Variants in GALNT17 observed in about 807,000 individuals in gnomAD.
GALNT17 encodes polypeptide N-acetylgalactosaminyltransferase 17.
Under a neutral mutation model 63.7 loss-of-function variants are expected in GALNT17, and 29 were observed. The observed-to-expected ratio is 0.46, with a 90% CI of 0.34 to 0.62. GALNT17 has a LOEUF of 0.62. GALNT17 is among the 20% of genes least tolerant of loss of function. The probability of loss-of-function intolerance (pLI) is 0.01; values close to 1 mark genes in which losing one functional copy is unlikely to be tolerated. For synonymous variants in GALNT17, 305 were observed against 318.3 expected (o/e 0.96, Z 0.45); for missense variants, 603 against 799.6 (o/e 0.75, Z 2.97).
rs138406506 is a variant in GALNT17, at chr7:71,353,180, G to C, written c.422+17447G>C. ...CATAAGAGTTACAGAAAAGTTGCAA[G>C]AATACTACAAAAAATTCTCTATTTT... is the stretch of plus-strand genomic sequence containing the variant. On this transcript the variant is annotated intron_variant, in intron 2 of 10. Coordinates refer to ENST00000333538, the MANE Select transcript of GALNT17 (RefSeq NM_022479.3). 2.5e-4 allele frequency among the ~76,000 whole-genome samples: 38 copies of C among 152,098 alleles called. 1 individual carries two copies. The highest frequency in any genetic ancestry group is 8.4e-4 in the African/African-American group (35 of 41,510).
chr7:71,592,306 C>G (rs114571007), intron 6 of GALNT17, among the ~76,000 whole-genome samples: 136 of 152,138 alleles, frequency 8.9e-4, no homozygotes, highest in African/African-American at 3.2e-3. Context: ...CCCACACTGT[C>G]TTTCCTATGC....
At position 71,541,572 on chromosome 7, in the gene GALNT17, G is replaced by GA. The variant is rs1459538154; in HGVS notation, c.963-29705dup. Among the ~76,000 whole-genome samples, 37 of 151,676 alleles carry GA rather than the reference G, an allele frequency of 2.4e-4. No homozygotes were observed. The East Asian group carries it at 6.8e-3, about 28-fold the overall frequency. ...TGTCTCAAAAAAATAAACAAGAAGA[G>GA]AAAAAAAAGAAAAAGAAACAGTGAT... On this transcript the variant is annotated intron_variant, in intron 5 of 10. Coordinates refer to ENST00000333538, the MANE Select transcript of GALNT17 (RefSeq NM_022479.3).
intron 2 of GALNT17, among the ~76,000 whole-genome samples, chr7:71,383,777 G>A (rs576651200): frequency 7.5e-4 from 114 of 152,234 alleles, no homozygotes; most frequent in Non-Finnish European, 1.3e-3. Context: ...TTCCCTCTGT[G>A]GTTGGTTGAA....
intron 1 of GALNT17, among the ~76,000 whole-genome samples, chr7:71,194,809 G>C (rs1360006558): frequency 6.6e-6 from 1 of 152,194 alleles, no homozygotes; most frequent in Non-Finnish European, 1.5e-5. Context: ...TACCTTGGTG[G>C]AGTTACATCA....
chr7:71,515,717 A>G (rs1281772049), intron 5 of GALNT17, among the ~76,000 whole-genome samples: 1 of 152,154 alleles, frequency 6.6e-6, no homozygotes, highest in East Asian at 1.9e-4. Context: ...GCTTATGTAA[A>G]CCAAAAAGTA....
At chr7:71,336,032 C>CTT (rs1167623885) in intron 2 of GALNT17, among the ~76,000 whole-genome samples, 8 of 21,280 alleles carry the variant, frequency 3.8e-4, no homozygotes, top group Non-Finnish European at 6.0e-4. Flanking sequence ...TTCTTTCTTC[C>CTT]TTTTTTTTTT....
At chr7:71,253,411 A>T (rs1244496977) in intron 1 of GALNT17, among the ~76,000 whole-genome samples, 1 of 152,072 alleles carries the variant, frequency 6.6e-6, no homozygotes, top group Non-Finnish European at 1.5e-5. Context: ...CCATGATTCG[A>T]TGATCTCCCA....
intron 1 of GALNT17, among the ~76,000 whole-genome samples, chr7:71,260,514 A>C (rs1024884944): frequency 6.6e-6 from 1 of 152,196 alleles, no homozygotes; most frequent in African/African-American, 2.4e-5. Flanking sequence ...TTCTCCTAGA[A>C]ATATTCTACT....
intron 5 of GALNT17, among the ~76,000 whole-genome samples, chr7:71,508,472 CAGTG>C (rs1296255091): frequency 1.3e-5 from 2 of 152,134 alleles, no homozygotes; most frequent in African/African-American, 2.4e-5. Context: ...GTTGGCTAAA[CAGTG>C]AGAGCATTTG....
intron 1 of GALNT17, among the ~76,000 whole-genome samples, chr7:71,330,823 C>T (rs1255723392): frequency 6.6e-5 from 10 of 152,254 alleles, no homozygotes; most frequent in African/African-American, 2.4e-4. Context: ...AAAGTTTCGC[C>T]GGATGCAATT....
chr7:71,603,378 A>T (rs993310926), intron 6 of GALNT17, among the ~76,000 whole-genome samples: 1 of 152,032 alleles, frequency 6.6e-6, no homozygotes, highest in Non-Finnish European at 1.5e-5. Context: ...CTAAGTGCAT[A>T]CACTAGATAC....
In GALNT17 at chr7:71,137,200, C is replaced by T. The variant is rs1371934065; in HGVS notation, c.238+4160C>T. 5.6e-5 allele frequency among the ~76,000 whole-genome samples: 8 copies of T among 143,596 alleles called. No homozygotes were observed. The South Asian group carries it at 1.7e-3, about 31-fold the overall frequency. The allele number at this position is 143,596 out of a possible 152,430, so 94.2% of individuals were successfully genotyped here. ...TGTCACCCAGGCTGGAGCGCAGTGGCGCGATCTCGGCTCACTGCAAGCTCC... is the reference window on the plus strand; with the variant it reads ...TGTCACCCAGGCTGGAGCGCAGTGGTGCGATCTCGGCTCACTGCAAGCTCC... On this transcript the variant is annotated intron_variant, in intron 1 of 10. Transcript: ENST00000333538.
At chr7:71,518,954 A>G (rs1311429662) in intron 5 of GALNT17, among the ~76,000 whole-genome samples, 2 of 152,324 alleles carry the variant, frequency 1.3e-5, no homozygotes, top group East Asian at 3.9e-4. Context: ...TAGTGAGAGG[A>G]GAAAGACGTC....
Position 71,360,673 on chromosome 7 carries a change from C to T in GALNT17, c.422+24940C>T, listed in dbSNP as rs7341414. Among the ~76,000 whole-genome samples, 569 of 152,316 alleles carry T rather than the reference C, an allele frequency of 3.7e-3. 5 individuals carry two copies. Among genetic ancestry groups the T allele is most frequent in the African/African-American group, 0.012 (509 of 41,564 alleles). ...AGCCAGCGGGTGCAGTGGCTCATGCCTGTAATCCCAGTACTTTGGGAGGCC... is the reference window on the plus strand; with the variant it reads ...AGCCAGCGGGTGCAGTGGCTCATGCTTGTAATCCCAGTACTTTGGGAGGCC... On this transcript the variant is annotated intron_variant, in intron 2 of 10. Transcript: ENST00000333538.
At chr7:71,670,261 G>A (rs1328836421) in intron 8 of GALNT17, 152 bp downstream of exon 8, 2 of 1,037,068 alleles carry the variant, frequency 1.9e-6, no homozygotes, top group East Asian at 2.4e-5. Flanking sequence ...CTAGCTGGGG[G>A]GTTGGGGTAG....
intron 9 of GALNT17, among the ~76,000 whole-genome samples, chr7:71,709,642 G>C (rs893164968): frequency 1.3e-5 from 2 of 151,440 alleles, no homozygotes; most frequent in Non-Finnish European, 2.9e-5. Context: ...CTGTTGCCCA[G>C]GCTGGAGTGC....
At chr7:71,679,674 G>A (rs1325234431) in intron 9 of GALNT17, among the ~76,000 whole-genome samples, 1 of 151,984 alleles carries the variant, frequency 6.6e-6, no homozygotes, top group East Asian at 1.9e-4. Flanking sequence ...AGTGCTGAGA[G>A]AGAAGGCAGC....
At chr7:71,151,278 G>A (rs1447774793) in intron 1 of GALNT17, among the ~76,000 whole-genome samples, 1 of 152,116 alleles carries the variant, frequency 6.6e-6, no homozygotes, top group Non-Finnish European at 1.5e-5. Flanking sequence ...TGGATTGGAT[G>A]CCACCTATTT....
chr7:71,394,952 A>T (rs1328578214), intron 3 of GALNT17, among the ~76,000 whole-genome samples: 1 of 152,000 alleles, frequency 6.6e-6, no homozygotes, highest in African/African-American at 2.4e-5. Context: ...AAATACAAAA[A>T]TTAGCTGGGT....
Sources: allele counts gnomAD v4.1 joint callset (sites outside exome capture counted in the v4.1 genomes callset), GRCh38; gene constraint gnomAD v4.1.1; transcripts MANE v1.5; gene names NCBI Gene and HGNC (gene_info 2026-07-23, HGNC 2026-07-21).